CD300LD: variants seen among roughly 807,000 people sequenced by gnomAD.
CD300LD encodes CD300 molecule like family member d.
CD300LD carries 18 observed loss-of-function variants against 20.3 expected under a neutral mutation model. The ratio of observed to expected loss-of-function variants is 0.89; its 90% CI spans 0.61 to 1.32. The LOEUF (loss-of-function observed/expected upper bound fraction) is 1.32. Among genes scored for constraint, CD300LD ranks in the 40% most tolerant of loss-of-function variants. CD300LD has a pLI of 0.00. For missense variants in CD300LD, 195 were observed against 226.6 expected (o/e 0.86, Z 0.90); for synonymous variants, 104 against 90.1 (o/e 1.15, Z -0.87).
In CD300LD at chr17:74,591,911, C is replaced by A. The variant is rs749397825; in HGVS notation, c.40+252G>T. On this transcript the variant is annotated intron_variant, in intron 1 of 3. Transcript: ENST00000375352. Reference sequence around the variant, plus strand: ...TGTTCATTCATCTGTTTATATGGAACAGTCAGGGTTGAGAACCACTGTTCC... The same window carrying A: ...TGTTCATTCATCTGTTTATATGGAAAAGTCAGGGTTGAGAACCACTGTTCC... The A allele has an allele frequency of 3.7e-4, 347 of 926,048 alleles. 2 individuals carry two copies. Among genetic ancestry groups the A allele is most frequent in the Middle Eastern group, 1.0e-3 (4 of 3,880 alleles). The allele number at this position is 926,048 out of a possible 1,614,324, so 57.4% of individuals were successfully genotyped here. A position where few individuals can be genotyped will look rare whatever the true frequency, so the allele number is the denominator to read the frequency against.
chr17:74,582,317 C>G lies in CD300LD; in HGVS notation c.380-6G>C, dbSNP rs754434878. 1.9e-6 allele frequency: 3 copies of G among 1,612,462 alleles called. No individual in the cohort carries two copies. In the Admixed American group the frequency reaches 5.0e-5, roughly 27 times the overall value. ...TGAGACTGCAGTTTGTGTGCCTAAA[C>G]ATACAAAGCAGAACACGGTTCACCC... On this transcript the variant is annotated splice_region_variant and splice_polypyrimidine_tract_variant and intron_variant, in intron 2 of 3. Transcript: ENST00000375352.
chr17:74,587,913 G>A (rs974876364), intron 2 of CD300LD, among the ~76,000 whole-genome samples: 7 of 125,640 alleles, frequency 5.6e-5, no homozygotes, highest in African/African-American at 1.8e-4. Flanking sequence ...GGAGCCATGG[G>A]GTCATTAAGA....
At chr17:74,591,837 AG>A in intron 1 of CD300LD, 1 of 219,480 alleles carries the variant, frequency 4.6e-6, no homozygotes, top group Admixed American at 5.5e-5. Flanking sequence ...AAAAAAAAAA[AG>A]TTCTTCAAGA....
intron 1 of CD300LD, 52 bp downstream of exon 1, chr17:74,592,111 C>G (rs764025721): frequency 7.4e-5 from 119 of 1,614,014 alleles, no homozygotes; most frequent in Middle Eastern, 1.6e-4. Context: ...GCGTCTCTGT[C>G]TCCAAGCCAG....
At chr17:74,587,162 A>T (rs886796196) in intron 2 of CD300LD, among the ~76,000 whole-genome samples, 3 of 152,004 alleles carry the variant, frequency 2.0e-5, no homozygotes, top group African/African-American at 4.8e-5. Context: ...AAAAAAAAAA[A>T]TTGATATTAT....
chr17:74,588,114 ACT>A (rs1424257041), intron 2 of CD300LD, among the ~76,000 whole-genome samples: 4 of 152,000 alleles, frequency 2.6e-5, no homozygotes, highest in Non-Finnish European at 5.9e-5. Context: ...GATGGCAGGG[ACT>A]CTCTGCAGAG....
In CD300LD at chr17:74,582,394, G is replaced by A; in HGVS notation, c.380-83C>T. The stretch of plus-strand genomic sequence containing the variant: ...GTGGCCCTAAGGCTTCTCCACCTAG[G>A]AATTAAGGAGCCTCTGCCTTGGGGT... On this transcript the variant is annotated intron_variant, in intron 2 of 3. Transcript: ENST00000375352. The A allele has an allele frequency of 6.6e-6, 7 of 1,062,980 alleles. No individual in the cohort carries two copies. In the South Asian group the frequency reaches 1.1e-4, roughly 17 times the overall value. 65.8% of individuals were successfully genotyped at this position (1,062,980 alleles called of 1,614,324 possible).
At chr17:74,580,782 C>T (rs1183957941) in intron 3 of CD300LD, among the ~76,000 whole-genome samples, 4 of 151,786 alleles carry the variant, frequency 2.6e-5, no homozygotes, top group Non-Finnish European at 4.4e-5. Context: ...TTTTAAAAAT[C>T]AGGCCAGGCG....
At chr17:74,585,868 A>T (rs758695978) in intron 2 of CD300LD, among the ~76,000 whole-genome samples, 4 of 152,216 alleles carry the variant, frequency 2.6e-5, no homozygotes, top group Non-Finnish European at 5.9e-5. Context: ...ACACGGAGAC[A>T]TTACAGAGGA....
intron 1 of CD300LD, chr17:74,590,657 C>T (rs2030288986): frequency 1.3e-5 from 2 of 152,114 alleles, no homozygotes; most frequent in South Asian, 4.1e-4. Flanking sequence ...AGAAACTACA[C>T]ACGACCTCCT....
At chr17:74,589,134 C>T (rs961853799) in intron 1 of CD300LD, among the ~76,000 whole-genome samples, 2 of 152,198 alleles carry the variant, frequency 1.3e-5, no homozygotes, top group Non-Finnish European at 2.9e-5. Flanking sequence ...GCCAGCAAAT[C>T]TTTATATTCC....
At position 74,588,858 on chromosome 17, in the gene CD300LD, C is replaced by G; in HGVS notation, c.41-9G>C. 1.3e-6 allele frequency: 2 copies of G among 1,597,136 alleles called. No individual in the cohort carries two copies. ...AGCGGCAATGGAGTAACCTGGAAAA[C>G]GCAAATTCATGTGTCGTCACCTCCC... On this transcript the variant is annotated splice_polypyrimidine_tract_variant and intron_variant, in intron 1 of 3. Coordinates refer to ENST00000375352, the MANE Select transcript of CD300LD (RefSeq NM_001115152.2).
In CD300LD at chr17:74,588,746, G is replaced by A; in HGVS notation, c.144C>T (p.Tyr48=). The change falls in exon 2 of 4, where the codon TAC becomes TAT. Residue 48 remains tyrosine (Y), a synonymous_variant. Transcript: ENST00000375352. ...QCAYGSGWET[Y]LKWRCQGADW... ...CAGCTCCTTGACACCGCCACTTCAA[G>A]TAGGTCTCCCAGCCTGAGCCATAAG... 1 of 1,614,186 alleles carries A rather than the reference G, an allele frequency of 6.2e-7. No individual in the cohort carries two copies. The highest frequency in any genetic ancestry group is 8.5e-7 in the Non-Finnish European group (1 of 1,180,018).
At chr17:74,591,882 T>G in intron 1 of CD300LD, 1 of 616,994 alleles carries the variant, frequency 1.6e-6, no homozygotes, top group South Asian at 2.7e-5. Context: ...CCTTCATTGA[T>G]ATCTGTTCAT....
intron 2 of CD300LD, among the ~76,000 whole-genome samples, chr17:74,586,804 G>A (rs2030171442): frequency 6.6e-6 from 1 of 152,200 alleles, no homozygotes; most frequent in South Asian, 2.1e-4. Context: ...TTAGTCCCAG[G>A]AGTTATTGAT....
chr17:74,580,719 G>A (rs977633712), intron 3 of CD300LD, among the ~76,000 whole-genome samples: 11 of 152,056 alleles, frequency 7.2e-5, no homozygotes, highest in African/African-American at 2.4e-4. Flanking sequence ...TTGGGCCTTC[G>A]TTGTTTCTTT....
At chr17:74,582,799 C>T (rs2030066465) in intron 2 of CD300LD, among the ~76,000 whole-genome samples, 1 of 152,144 alleles carries the variant, frequency 6.6e-6, no homozygotes, top group South Asian at 2.1e-4. Flanking sequence ...GCTTCCCAAT[C>T]TCACCCTCCC....
intron 2 of CD300LD, among the ~76,000 whole-genome samples, chr17:74,587,551 T>G (rs1463853203): frequency 6.6e-6 from 1 of 152,228 alleles, no homozygotes; most frequent in Non-Finnish European, 1.5e-5. Context: ...TCCCTATTAC[T>G]TTTGTTTTCG....
At chr17:74,581,604 C>G (rs1471742266) in intron 3 of CD300LD, among the ~76,000 whole-genome samples, 3 of 152,238 alleles carry the variant, frequency 2.0e-5, no homozygotes, top group African/African-American at 7.2e-5. Flanking sequence ...CATTCCCCTA[C>G]TCTGGTGTCT....
Sources: gnomAD v4.1 joint callset for allele counts (sites outside exome capture counted in the v4.1 genomes callset) on GRCh38, gnomAD v4.1.1 for gene constraint, MANE v1.5 for transcripts, NCBI Gene and HGNC (gene_info 2026-07-23, HGNC 2026-07-21) for gene names.